The following CCDC60 variants were observed in gnomAD, a reference collection of about 807,000 sequenced individuals.
The protein encoded by CCDC60 is coiled-coil domain-containing protein 60.
A neutral mutation model predicts 63.5 loss-of-function variants in CCDC60; 54 were observed. That is an observed-to-expected ratio of 0.85 (90% CI 0.68 to 1.07). The LOEUF is 1.07. Among genes scored for constraint, CCDC60 ranks in the 50% least tolerant of loss-of-function variants. The pLI, the probability that CCDC60 is intolerant of heterozygous loss-of-function variation, is 0.00. For missense variants in CCDC60, 651 were observed against 684.3 expected (o/e 0.95, Z 0.54); for synonymous variants, 206 against 238.8 (o/e 0.86, Z 1.27).
rs1425037340 is a variant in CCDC60, at chr12:119,372,907, A to G, written c.90+37641A>G. Among the ~76,000 whole-genome samples, 4 of 152,368 alleles carry G rather than the reference A, an allele frequency of 2.6e-5. No individual in the cohort carries two copies. The East Asian group carries it at 5.8e-4, about 22-fold the overall frequency. ...AACTCTAACAAGGCGTTTCAAAAGC[A>G]TAATGTCGTGGATATTATTGCTTAG... On this transcript the variant is annotated intron_variant, in intron 1 of 13. Coordinates refer to ENST00000327554, the MANE Select transcript of CCDC60 (RefSeq NM_178499.5).
rs532176349 is a variant in CCDC60, at chr12:119,424,269, G to A, written c.91-4414G>A. Among the ~76,000 whole-genome samples, 6 of 152,118 alleles carry A rather than the reference G, an allele frequency of 3.9e-5. No homozygotes were observed. In the East Asian group the frequency reaches 5.8e-4, roughly 15 times the overall value. On this transcript the variant is annotated intron_variant, in intron 1 of 13. Transcript: ENST00000327554. ...CTTCTCTATGATCTACTATCTTTAC[G>A]TTTTGTAGCATGCATTTTCATCTGA...
chr12:119,382,503 G>A (rs1189545501), intron 1 of CCDC60, among the ~76,000 whole-genome samples: 1 of 152,220 alleles, frequency 6.6e-6, no homozygotes. Flanking sequence ...CGTAACAGGG[G>A]GAAGAGCATC....
intron 13 of CCDC60, among the ~76,000 whole-genome samples, chr12:119,535,964 T>C (rs1952992166): frequency 6.6e-6 from 1 of 152,190 alleles, no homozygotes; most frequent in African/African-American, 2.4e-5. Flanking sequence ...AAGTCCTGGA[T>C]ATCCTTGTTA....
intron 4 of CCDC60, among the ~76,000 whole-genome samples, chr12:119,485,211 T>A (rs778523444): frequency 1.5e-4 from 23 of 152,198 alleles, no homozygotes; most frequent in Admixed American, 9.8e-4. Context: ...TCAAAGAAGT[T>A]AAGTAATTTG....
At chr12:119,491,325 G>GTTTGTT (rs892646553) in intron 5 of CCDC60, among the ~76,000 whole-genome samples, 7 of 151,936 alleles carry the variant, frequency 4.6e-5, no homozygotes, top group East Asian at 3.9e-4. Context: ...TTGTTTGTTT[G>GTTTGTT]TTTGTTTTTG....
intron 1 of CCDC60, among the ~76,000 whole-genome samples, chr12:119,417,204 T>TC (rs1956717518): frequency 2.0e-5 from 3 of 152,246 alleles, no homozygotes; most frequent in Admixed American, 2.0e-4. Context: ...TGATTCTGCT[T>TC]CCCAGAGGAC....
intron 3 of CCDC60, among the ~76,000 whole-genome samples, chr12:119,474,102 G>A (rs548944849): frequency 4.5e-4 from 68 of 152,196 alleles, no homozygotes; most frequent in African/African-American, 1.4e-3. Flanking sequence ...GCTCAACATC[G>A]CTAATTATCA....
chr12:119,411,524 G>C (rs1279846591), intron 1 of CCDC60, among the ~76,000 whole-genome samples: 5 of 152,148 alleles, frequency 3.3e-5, no homozygotes, highest in African/African-American at 1.2e-4. Context: ...GAAAAAAATT[G>C]TTATGCTTTT....
intron 2 of CCDC60, among the ~76,000 whole-genome samples, chr12:119,430,482 T>A (rs1267122188): frequency 6.6e-6 from 1 of 151,800 alleles, no homozygotes; most frequent in Non-Finnish European, 1.5e-5. Flanking sequence ...CTGGCTAACA[T>A]GGTACAACCC....
chr12:119,377,254 C>CAAAAAAAAAAAAAAAAAAAAA (rs60100165), intron 1 of CCDC60, among the ~76,000 whole-genome samples: 1 of 47,442 alleles, frequency 2.1e-5, no homozygotes, highest in Non-Finnish European at 3.7e-5. Flanking sequence ...CACTCCATCT[C>CAAAAAAAAAAAAAAAAAAAAA]AAAAAAAAAA....
At chr12:119,499,736 T>C (rs186160799) in intron 5 of CCDC60, among the ~76,000 whole-genome samples, 102 of 152,206 alleles carry the variant, frequency 6.7e-4, no homozygotes, top group African/African-American at 2.4e-3. Context: ...GATTTAGAAA[T>C]GAACATGCTT....
In CCDC60 at chr12:119,505,257, C is replaced by T. The variant is rs754800166; in HGVS notation, c.837C>T (p.Asp279=). 4 of 1,612,884 alleles carry T rather than the reference C, an allele frequency of 2.5e-6. No homozygotes were observed. The African/African-American group carries it at 5.3e-5, about 22-fold the overall frequency. The change falls in exon 7 of 14, where the codon GAC becomes GAT. Residue 279 remains aspartate (D), a synonymous_variant. Transcript: ENST00000327554. Reference sequence around the variant, plus strand: ...TGACCAGCAGCAAGGACATTGAGGACAATGAGTCATCTTCAACCAAGCCAG... The same window carrying T: ...TGACCAGCAGCAAGGACATTGAGGATAATGAGTCATCTTCAACCAAGCCAG... ...TQVTSSKDIE[D]NESSSTKPDE...
chr12:119,420,167 T>A lies in CCDC60; in HGVS notation c.91-8516T>A, dbSNP rs569744206. Among the ~76,000 whole-genome samples the A allele has an allele frequency of 1.9e-3, 287 of 152,266 alleles. 1 individual carries two copies. Among genetic ancestry groups the A allele is most frequent in the African/African-American group, 6.6e-3 (276 of 41,574 alleles). On this transcript the variant is annotated intron_variant, in intron 1 of 13. Transcript: ENST00000327554. The surrounding 1 kb of genome is among the most constrained non-coding windows in gnomAD (Gnocchi z 4.1). Reference sequence around the variant, plus strand: ...CTGAGATTACAGGTATAAGCCACCATGCCCGGCCTGTTAAGTAATTCTATA... The same window carrying A: ...CTGAGATTACAGGTATAAGCCACCAAGCCCGGCCTGTTAAGTAATTCTATA...
chr12:119,433,567 A>C, intron 2 of CCDC60: 1 of 702,382 alleles, frequency 1.4e-6, no homozygotes, highest in Non-Finnish European at 2.6e-6. Flanking sequence ...AAGGGAAGTC[A>C]TCTCTCCAAG....
intron 1 of CCDC60, among the ~76,000 whole-genome samples, chr12:119,406,547 T>A (rs1402620036): frequency 6.6e-6 from 1 of 152,196 alleles, no homozygotes; most frequent in African/African-American, 2.4e-5. Flanking sequence ...ACTCCTCGCA[T>A]ACATTGCAAT....
intron 5 of CCDC60, among the ~76,000 whole-genome samples, chr12:119,490,340 C>G (rs1287193496): frequency 1.3e-5 from 2 of 152,142 alleles, no homozygotes; most frequent in South Asian, 2.1e-4. Context: ...TTTTTTTAAG[C>G]AGCAGACCTC....
At chr12:119,361,381 A>T (rs187124383) in intron 1 of CCDC60, among the ~76,000 whole-genome samples, 16 of 152,340 alleles carry the variant, frequency 1.1e-4, no homozygotes, top group East Asian at 9.6e-4. Context: ...AGACAAAGTC[A>T]TCAAGAATCT....
intron 2 of CCDC60, among the ~76,000 whole-genome samples, chr12:119,470,981 T>C (rs1265771602): frequency 6.6e-6 from 1 of 152,202 alleles, no homozygotes. Flanking sequence ...TGGTTGCTTA[T>C]TAGGAATTTG....
chr12:119,341,071 A>C (rs192793086), intron 1 of CCDC60, among the ~76,000 whole-genome samples: 4 of 152,200 alleles, frequency 2.6e-5, no homozygotes, highest in South Asian at 2.1e-4. Flanking sequence ...TGCAGAATTC[A>C]TGTTTTTTGT....
Sources: allele counts gnomAD v4.1 joint callset (sites outside exome capture counted in the v4.1 genomes callset), GRCh38; gene constraint gnomAD v4.1.1; non-coding constraint Gnocchi (gnomAD v3.1); transcripts MANE v1.5; gene names NCBI Gene and HGNC (gene_info 2026-07-23, HGNC 2026-07-21).